Variants in FBXO9 observed in about 807,000 individuals in gnomAD.
FBXO9 encodes the protein F-box only protein 9.
Under a neutral mutation model 63.7 loss-of-function variants are expected in FBXO9, and 43 were observed. The ratio of observed to expected loss-of-function variants is 0.67; its 90% confidence interval spans 0.53 to 0.87. The LOEUF (loss-of-function observed/expected upper bound fraction) is 0.87. FBXO9 is among the 40% of genes least tolerant of loss of function. FBXO9 has a pLI of 0.00. For missense variants in FBXO9, 442 were observed against 533.2 expected, an observed-to-expected ratio of 0.83 and a Z score of 1.68; for synonymous variants, 156 against 171.7, an observed-to-expected ratio of 0.91 and a Z score of 0.72.
Position 53,099,291 on chromosome 6 carries a change from G to T in FBXO9, c.*1461G>T, listed in dbSNP as rs954166804. The T allele has an allele frequency of 6.6e-6, 1 of 152,158 alleles. No homozygotes were observed. Among genetic ancestry groups the T allele is most frequent in the Non-Finnish European group, 1.5e-5 (1 of 68,134 alleles). The allele number at this position is 152,158 out of a possible 1,614,324, so 9.4% of individuals were successfully genotyped here. ...ACCTATAGTCGCAGCTACTTGGGAGGCTGGGGCAGGAGAATTGCCTGAGCC... is the reference window on the plus strand; with the variant it reads ...ACCTATAGTCGCAGCTACTTGGGAGTCTGGGGCAGGAGAATTGCCTGAGCC... On this transcript the variant is annotated 3_prime_UTR_variant, in exon 13 of 13. Coordinates refer to ENST00000323557, the MANE Select transcript of FBXO9 (RefSeq NM_033480.3).
intron 11 of FBXO9, 117 bp from the exon 12 acceptor site, chr6:53,095,396 G>T (rs755744707): frequency 3.3e-6 from 3 of 918,672 alleles, no homozygotes; most frequent in Non-Finnish European, 4.7e-6. Context: ...TAGTCAAAAC[G>T]ACTCTTTACT....
chr6:53,066,786 G>A (rs1768718035), intron 1 of FBXO9, among the ~76,000 whole-genome samples: 1 of 152,220 alleles, frequency 6.6e-6, no homozygotes, highest in Non-Finnish European at 1.5e-5. Flanking sequence ...AGCTATTCAA[G>A]TGAAGGTGAT....
At chr6:53,069,627 C>T (rs1407685616) in intron 1 of FBXO9, among the ~76,000 whole-genome samples, 1 of 152,166 alleles carries the variant, frequency 6.6e-6, no homozygotes, top group Non-Finnish European at 1.5e-5. Flanking sequence ...TATTTATTGA[C>T]ACCTCAGCAA....
chr6:53,072,750 C>A (rs1322115324), intron 2 of FBXO9, among the ~76,000 whole-genome samples: 2 of 150,636 alleles, frequency 1.3e-5, no homozygotes, highest in Non-Finnish European at 2.9e-5. Context: ...GATGGAGTCT[C>A]GCTCCATTGC....
intron 9 of FBXO9, 102 bp downstream of exon 9, chr6:53,092,926 C>A: frequency 3.0e-6 from 2 of 672,460 alleles, no homozygotes; most frequent in South Asian, 2.6e-5. Flanking sequence ...CGCAAAATGG[C>A]CCTCAGTATT....
At chr6:53,071,500 G>A (rs571688663) in intron 2 of FBXO9, among the ~76,000 whole-genome samples, 1 of 152,278 alleles carries the variant, frequency 6.6e-6, no homozygotes, top group East Asian at 1.9e-4. Context: ...TGGAAAAACT[G>A]TTTATTATAT....
In FBXO9 at chr6:53,077,472, C is replaced by CAA. The variant is rs1173539613; in HGVS notation, c.307+956_307+957dup. Among the ~76,000 whole-genome samples the CAA allele has an allele frequency of 3.4e-4, 24 of 70,444 alleles. 1 individual carries two copies. Among genetic ancestry groups the CAA allele is most frequent in the South Asian group, 1.5e-3 (2 of 1,352 alleles). 46.2% of individuals were successfully genotyped at this position (70,444 alleles called of 152,430 possible). On this transcript the variant is annotated intron_variant, in intron 4 of 12. Coordinates refer to ENST00000323557, the MANE Select transcript of FBXO9 (RefSeq NM_033480.3). ...TGGGCGACAGAGCGAGACTCCGTCTCAAAAAAAAAAAAAAAAAAAAAAAAA... is the reference window on the plus strand; with the variant it reads ...TGGGCGACAGAGCGAGACTCCGTCTCAAAAAAAAAAAAAAAAAAAAAAAAAAA...
chr6:53,088,906 GT>G (rs969013905), intron 7 of FBXO9, among the ~76,000 whole-genome samples: 1 of 149,956 alleles, frequency 6.7e-6, no homozygotes, highest in East Asian at 2.0e-4. Flanking sequence ...GGCCCTAGTG[GT>G]TTTTTTCTTT....
At chr6:53,076,770 T>C (rs577381280) in intron 4 of FBXO9, among the ~76,000 whole-genome samples, 2 of 146,440 alleles carry the variant, frequency 1.4e-5, no homozygotes, top group African/African-American at 5.1e-5. Context: ...ACTTATTATG[T>C]AAATAGTTAT....
intron 1 of FBXO9, among the ~76,000 whole-genome samples, chr6:53,069,032 C>T (rs1057247611): frequency 6.6e-6 from 1 of 152,190 alleles, no homozygotes; most frequent in African/African-American, 2.4e-5. Flanking sequence ...GTAGTCTCAG[C>T]TACTCAAGAG....
At position 53,095,661 on chromosome 6, in the gene FBXO9, A is replaced by T; in HGVS notation, c.1202A>T (p.Tyr401Phe). Residue 401 changes from tyrosine (Y) to phenylalanine (F), a missense_variant, in exon 12 of 13, where the codon TAC becomes TTC. Around this residue, in one of 2 missense-constraint regions of FBXO9, gnomAD observed 262 missense variants for 362.1 expected, o/e 0.72. Coordinates refer to ENST00000323557, the MANE Select transcript of FBXO9 (RefSeq NM_033480.3). The part of the protein sequence containing the change: ...IWIHHSCHIT[Y>F]KSTGETAVSA... ...ATACATCATTCTTGTCACATTACTT[A>T]CAAGTAGGTGAATGCAATAAAAATA... 1 of 1,606,678 alleles carries T rather than the reference A, an allele frequency of 6.2e-7. No homozygotes were observed. Among genetic ancestry groups the T allele is most frequent in the Non-Finnish European group, 8.5e-7 (1 of 1,177,344 alleles).
In FBXO9 at chr6:53,071,066, G is replaced by A. The variant is rs1768898653; in HGVS notation, c.13G>A (p.Glu5Lys). 1 of 1,573,058 alleles carries A rather than the reference G, an allele frequency of 6.4e-7. No homozygotes were observed. The highest frequency in any genetic ancestry group is 8.6e-7 in the Non-Finnish European group (1 of 1,157,206). The change falls in exon 2 of 13, where the codon GAG (glutamate) becomes AAG (lysine). Residue 5 changes from glutamate to lysine, a missense_variant. By Grantham distance (56) the Glu-to-Lys change is moderately conservative (BLOSUM62 1). Coordinates refer to ENST00000323557, the MANE Select transcript of FBXO9 (RefSeq NM_033480.3). MAEA[E>K]EDCHSDTVRA... ...GGTTTTCCCCCCTCAGGCAGAAGCT[G>A]AGGAAGATTGTCATTCTGATACTGT...
chr6:53,066,774 T>G (rs1035208132), intron 1 of FBXO9, among the ~76,000 whole-genome samples: 10 of 152,186 alleles, frequency 6.6e-5, no homozygotes, highest in African/African-American at 2.4e-4. Flanking sequence ...CTCATACACA[T>G]GAGCTATTCA....
rs1053858265 is a variant in FBXO9 at position 53,097,717 on chromosome 6, T to A, written c.1206-5T>A. The A allele has an allele frequency of 7.0e-6, 11 of 1,575,388 alleles. No homozygotes were observed. Among genetic ancestry groups the A allele is most frequent in the African/African-American group, 5.4e-5 (4 of 73,512 alleles). ...TACTAGTAATTTTGTGCTTTTTTTT[T>A]ACAGATCAACTGGTGAGACTGCAGT... On this transcript the variant is annotated splice_region_variant and splice_polypyrimidine_tract_variant and intron_variant, in intron 12 of 12. Transcript: ENST00000323557.
chr6:53,065,661 A>G lies in FBXO9; in HGVS notation c.-129A>G. Reference sequence around the variant, plus strand: ...GCTGCCTGGTGCGCTTCTCCGACCGAGAACTCTGCTAAGCTCCGCTGCAGA... The same window carrying G: ...GCTGCCTGGTGCGCTTCTCCGACCGGGAACTCTGCTAAGCTCCGCTGCAGA... On this transcript the variant is annotated 5_prime_UTR_variant, in exon 1 of 13. Transcript: ENST00000323557. 1 of 1,152,598 alleles carries G rather than the reference A, an allele frequency of 8.7e-7. No homozygotes were observed. Among genetic ancestry groups the G allele is most frequent in the Non-Finnish European group, 1.1e-6 (1 of 884,184 alleles). The allele number at this position is 1,152,598 out of a possible 1,614,324, so 71.4% of individuals were successfully genotyped here. A position where few individuals can be genotyped will look rare whatever the true frequency, so the allele number is the denominator to read the frequency against.
chr6:53,093,422 TTGTG>T, intron 9 of FBXO9, 40 bp from the exon 10 acceptor site: 2 of 1,350,768 alleles, frequency 1.5e-6, no homozygotes, highest in Middle Eastern at 3.6e-4. Context: ...ATTTTATACT[TTGTG>T]TGGGGGGTGT....
rs933761487 is a variant in FBXO9, at chr6:53,100,586, C to G, written c.*2756C>G. On this transcript the variant is annotated 3_prime_UTR_variant, in exon 13 of 13. Transcript: ENST00000323557. ...GTGTAGACTTCAGTTACACCCCCAG[C>G]CCCCAGGGGAAAGCATTAGCCTTGA... 1 of 151,922 alleles carries G rather than the reference C, an allele frequency of 6.6e-6. No individual in the cohort carries two copies. Among genetic ancestry groups the G allele is most frequent in the Non-Finnish European group, 1.5e-5 (1 of 67,988 alleles). The allele number at this position is 151,922 out of a possible 1,614,324, so 9.4% of individuals were successfully genotyped here.
rs375935034 is a variant in FBXO9, at chr6:53,097,776, C to A, written c.1260C>A (p.Pro420=). 4,857 of 1,609,200 alleles carry A rather than the reference C, an allele frequency of 3.0e-3. 166 individuals carry two copies. In the South Asian group the frequency reaches 0.049, roughly 16 times the overall value. The part of the protein sequence containing the change: ...SAFEIDKMYT[P]LFFARVRSYT... ...TTGAGATTGACAAGATGTACACCCCCTTGTTCTTCGCCAGAGTAAGGAGCT... is the reference window on the plus strand; with the variant it reads ...TTGAGATTGACAAGATGTACACCCCATTGTTCTTCGCCAGAGTAAGGAGCT... Residue 420 remains proline, a synonymous_variant, in exon 13 of 13, where the codon CCC becomes CCA. Coordinates refer to ENST00000323557, the MANE Select transcript of FBXO9 (RefSeq NM_033480.3).
chr6:53,066,253 C>A, intron 1 of FBXO9: 1 of 582,830 alleles, frequency 1.7e-6, no homozygotes. Context: ...CAGTCCCTGC[C>A]GGCACCTTGA....
Sources: gnomAD v4.1 joint callset for allele counts (sites outside exome capture counted in the v4.1 genomes callset) on GRCh38, gnomAD v4.1.1 for gene constraint, gnomAD v4.1.1 regional missense constraint, MANE v1.5 for transcripts, NCBI Gene and HGNC (gene_info 2026-07-23, HGNC 2026-07-21) for gene names.